TSPAN31: variants seen among roughly 807,000 people sequenced by gnomAD.
TSPAN31 encodes the protein tetraspanin-31.
In TSPAN31, 16 loss-of-function variants were observed where a neutral mutation model predicts 24.8. That is an observed-to-expected ratio of 0.64 (90% CI 0.44 to 0.98). The LOEUF is 0.98. TSPAN31 is among the 50% of genes least tolerant of loss of function. TSPAN31 has a pLI of 0.00. For synonymous variants in TSPAN31, 87 were observed against 91.4 expected (o/e 0.95, Z 0.27); for missense variants, 209 against 251.6 (o/e 0.83, Z 1.15).
rs2140383538 is a variant in TSPAN31 at position 57,749,398 on chromosome 12, T to G, written c.*2108T>G. On this transcript the variant is annotated 3_prime_UTR_variant, in exon 6 of 6. Transcript: ENST00000257910. ...GGCAGAGCCAGTTGCCATCCTGGGT[T>G]CAGCAGAAAGAGGACTCAGAATAGA... 6.2e-7 allele frequency: 1 copy of G among 1,613,068 alleles called. No individual in the cohort carries two copies. The highest frequency in any genetic ancestry group is 8.5e-7 in the Non-Finnish European group (1 of 1,179,006).
At position 57,749,322 on chromosome 12, in the gene TSPAN31, G is replaced by C. The variant is rs765361338; in HGVS notation, c.*2032G>C. ...TCTGGAGGCAGCCCAATCAGGCTGT[G>C]GGGGACAGGAGAACTCTGGTCAGGA... On this transcript the variant is annotated 3_prime_UTR_variant, in exon 6 of 6. Transcript: ENST00000257910. The C allele has an allele frequency of 1.9e-6, 3 of 1,614,176 alleles. No individual in the cohort carries two copies. The Admixed American group carries it at 5.0e-5, about 27-fold the overall frequency.
intron 5 of TSPAN31, 29 bp from the exon 6 acceptor site, chr12:57,747,187 T>A (rs769944152): frequency 6.2e-7 from 1 of 1,612,564 alleles, no homozygotes; most frequent in Non-Finnish European, 8.5e-7. Context: ...AATTAATTGA[T>A]ACTTATCTCT....
In TSPAN31 at chr12:57,748,235, AG is replaced by A. The variant is rs1291708445; in HGVS notation, c.*946del. Reference sequence around the variant, plus strand: ...GGAAGAAACATTAAAAAAAAAAAAAAGACCATTATTTCTTTGTTTTGTTTTT... The same window carrying A: ...GGAAGAAACATTAAAAAAAAAAAAAAACCATTATTTCTTTGTTTTGTTTTT... On this transcript the variant is annotated 3_prime_UTR_variant, in exon 6 of 6. Coordinates refer to ENST00000257910, the MANE Select transcript of TSPAN31 (RefSeq NM_005981.5). 1 of 376,292 alleles carries A rather than the reference AG, an allele frequency of 2.7e-6. No individual in the cohort carries two copies. The highest frequency in any genetic ancestry group is 3.2e-5 in the South Asian group (1 of 31,508). The allele number at this position is 376,292 out of a possible 1,614,324, so 23.3% of individuals were successfully genotyped here.
Position 57,747,486 on chromosome 12 carries a change from G to A in TSPAN31, c.*196G>A, listed in dbSNP as rs1003208178. ...GGAGCCAGACTATAAGGAATAAAAG[G>A]AAAAACTTTCTTCCTCTCTCTCCAA... On this transcript the variant is annotated 3_prime_UTR_variant, in exon 6 of 6. Transcript: ENST00000257910. 3.4e-5 allele frequency: 19 copies of A among 564,032 alleles called. No homozygotes were observed. The highest frequency in any genetic ancestry group is 6.3e-6 in the Non-Finnish European group (2 of 318,936). 34.9% of individuals were successfully genotyped at this position (564,032 alleles called of 1,614,324 possible). A position where few individuals can be genotyped will look rare whatever the true frequency, so the allele number is the denominator to read the frequency against.
rs1955197651 is a variant in TSPAN31, at chr12:57,749,115, T to C, written c.*1825T>C. On this transcript the variant is annotated 3_prime_UTR_variant, in exon 6 of 6. Coordinates refer to ENST00000257910, the MANE Select transcript of TSPAN31 (RefSeq NM_005981.5). ...TCATTAACCACAGTGGCCAGGGCCC[T>C]GCATACTGCTCTATTTCTTTCCCCA... The C allele has an allele frequency of 6.3e-7, 1 of 1,597,938 alleles. No homozygotes were observed.
In TSPAN31 at chr12:57,748,765, G is replaced by T. The variant is rs1955192187; in HGVS notation, c.*1475G>T. ...CTATCACCCAGGCTGGAGTGCAATGGTATGATCTCAGCTCACTGCAACCTC... is the reference window on the plus strand; with the variant it reads ...CTATCACCCAGGCTGGAGTGCAATGTTATGATCTCAGCTCACTGCAACCTC... On this transcript the variant is annotated 3_prime_UTR_variant, in exon 6 of 6. Transcript: ENST00000257910. 2 of 646,978 alleles carry T rather than the reference G, an allele frequency of 3.1e-6. No individual in the cohort carries two copies. The highest frequency in any genetic ancestry group is 4.9e-5 in the Admixed American group (2 of 41,130). 40.1% of individuals were successfully genotyped at this position (646,978 alleles called of 1,614,324 possible).
rs1292471378 is a variant in TSPAN31, at chr12:57,745,809, T to A, written c.128T>A (p.Ile43Asn). Reference protein sequence around the residue: ...WGKGLGLVSSIHIIGGVIAVG... With the variant: ...WGKGLGLVSSNHIIGGVIAVG... The stretch of plus-strand genomic sequence containing the variant: ...AAGGGCCTGGGTCTGGTGTCCAGCA[T>A]CCACATCATCGGCGGAGTCATTGCT... Residue 43 changes from isoleucine to asparagine, a missense_variant, in exon 2 of 6, where the codon ATC (isoleucine) becomes AAC (asparagine). By Grantham distance (149) the Ile-to-Asn change is moderately radical (BLOSUM62 -3). Transcript: ENST00000257910. 2.5e-6 allele frequency: 4 copies of A among 1,614,066 alleles called. No individual in the cohort carries two copies. In the South Asian group the frequency reaches 4.4e-5, roughly 18 times the overall value.
chr12:57,747,512 GA>G lies in TSPAN31; in HGVS notation c.*223del, dbSNP rs1955171752. The G allele has an allele frequency of 2.2e-5, 11 of 499,376 alleles. No individual in the cohort carries two copies. In the South Asian group the frequency reaches 2.7e-4, roughly 12 times the overall value. The allele number at this position is 499,376 out of a possible 1,614,324, so 30.9% of individuals were successfully genotyped here. The stretch of plus-strand genomic sequence containing the variant: ...AAAAACTTTCTTCCTCTCTCTCCAA[GA>G]GGATATGGGAAGCTTCTGTGAGTGC... On this transcript the variant is annotated 3_prime_UTR_variant, in exon 6 of 6. Coordinates refer to ENST00000257910, the MANE Select transcript of TSPAN31 (RefSeq NM_005981.5).
Position 57,747,364 on chromosome 12 carries a change from C to G in TSPAN31, c.*74C>G. ...TCCTCCCTTAGGGAATATCTAGGGT[C>G]TGTAACCGTTTTGGTTTGAGAAAAA... On this transcript the variant is annotated 3_prime_UTR_variant, in exon 6 of 6. Coordinates refer to ENST00000257910, the MANE Select transcript of TSPAN31 (RefSeq NM_005981.5). The G allele has an allele frequency of 3.6e-6, 5 of 1,405,146 alleles. No individual in the cohort carries two copies. In the South Asian group the frequency reaches 6.2e-5, roughly 17 times the overall value. The allele number at this position is 1,405,146 out of a possible 1,614,324, so 87.0% of individuals were successfully genotyped here.
Position 57,745,110 on chromosome 12 carries a change from TC to T in TSPAN31, c.-39del. ...TCCTGGAAGACGGTCCCCAATACCC[TC>T]CCCCCAAGTCCTTGGGACCACTTGG... On this transcript the variant is annotated 5_prime_UTR_variant, in exon 1 of 6. Transcript: ENST00000257910. The T allele has an allele frequency of 1.3e-6, 2 of 1,548,412 alleles. No homozygotes were observed. The highest frequency in any genetic ancestry group is 1.2e-5 in the South Asian group (1 of 85,134).
rs1955185698 is a variant in TSPAN31, at chr12:57,748,501, C to T, written c.*1211C>T. On this transcript the variant is annotated 3_prime_UTR_variant, in exon 6 of 6. Coordinates refer to ENST00000257910, the MANE Select transcript of TSPAN31 (RefSeq NM_005981.5). ...AGAAGGGAAATGGCAGCTTTTCTTCCTTCCATGGCAGCCACTCCATTGCTC... is the reference window on the plus strand; with the variant it reads ...AGAAGGGAAATGGCAGCTTTTCTTCTTTCCATGGCAGCCACTCCATTGCTC... The T allele has an allele frequency of 1.9e-6, 3 of 1,557,344 alleles. No homozygotes were observed. Among genetic ancestry groups the T allele is most frequent in the Non-Finnish European group, 2.7e-6 (3 of 1,128,642 alleles).
rs1302631769 is a variant in TSPAN31, at chr12:57,746,734, G to A, written c.444+14G>A. The A allele has an allele frequency of 6.2e-7, 1 of 1,613,964 alleles. No individual in the cohort carries two copies. Among genetic ancestry groups the A allele is most frequent in the Admixed American group, 1.7e-5 (1 of 60,012 alleles). The stretch of plus-strand genomic sequence containing the variant: ...TTCTGCACTGCAGTGAGTGTGTTGG[G>A]GGTGGTGCAGCAGCCAGGGGAGGTA... On this transcript the variant is annotated intron_variant, in intron 4 of 5. Transcript: ENST00000257910.
rs1955210744 is a variant in TSPAN31 at position 57,749,780 on chromosome 12, T to C, written c.*2490T>C. The C allele has an allele frequency of 2.0e-6, 1 of 505,500 alleles. No individual in the cohort carries two copies. The highest frequency in any genetic ancestry group is 3.3e-5 in the Admixed American group (1 of 30,700). 31.3% of individuals were successfully genotyped at this position (505,500 alleles called of 1,614,324 possible). On this transcript the variant is annotated 3_prime_UTR_variant, in exon 6 of 6. Transcript: ENST00000257910. ...TTGGGAGTCTGATGTGGGTGGATCA[T>C]GAGGTCAAGAGATCGAGACCATCCT...
chr12:57,745,072 G>A lies in TSPAN31; in HGVS notation c.-83G>A. 1 of 1,332,900 alleles carries A rather than the reference G, an allele frequency of 7.5e-7. No individual in the cohort carries two copies. The highest frequency in any genetic ancestry group is 1.1e-6 in the Non-Finnish European group (1 of 948,600). The allele number at this position is 1,332,900 out of a possible 1,614,324, so 82.6% of individuals were successfully genotyped here. Reference sequence around the variant, plus strand: ...TGGCTGGCCTCGATTTAAAGAGACAGAAGCTGTCGGGGTCCTGGAAGACGG... The same window carrying A: ...TGGCTGGCCTCGATTTAAAGAGACAAAAGCTGTCGGGGTCCTGGAAGACGG... On this transcript the variant is annotated 5_prime_UTR_variant, in exon 1 of 6. Transcript: ENST00000257910.
Position 57,747,487 on chromosome 12 carries a change from A to G in TSPAN31, c.*197A>G. On this transcript the variant is annotated 3_prime_UTR_variant, in exon 6 of 6. Transcript: ENST00000257910. Reference sequence around the variant, plus strand: ...GAGCCAGACTATAAGGAATAAAAGGAAAAACTTTCTTCCTCTCTCTCCAAG... The same window carrying G: ...GAGCCAGACTATAAGGAATAAAAGGGAAAACTTTCTTCCTCTCTCTCCAAG... 1 of 562,734 alleles carries G rather than the reference A, an allele frequency of 1.8e-6. No homozygotes were observed. The highest frequency in any genetic ancestry group is 3.1e-6 in the Non-Finnish European group (1 of 317,808). 34.9% of individuals were successfully genotyped at this position (562,734 alleles called of 1,614,324 possible). A position where few individuals can be genotyped will look rare whatever the true frequency, so the allele number is the denominator to read the frequency against.
At chr12:57,745,947 G>T in intron 2 of TSPAN31, 35 bp downstream of exon 2, 1 of 1,561,154 alleles carries the variant, frequency 6.4e-7, no homozygotes, top group Non-Finnish European at 8.6e-7. Flanking sequence ...GCAACCGGGG[G>T]CTTGGGAGGG....
In TSPAN31 at chr12:57,749,772, G is replaced by A. The variant is rs937997826; in HGVS notation, c.*2482G>A. 3.9e-6 allele frequency: 2 copies of A among 518,574 alleles called. No homozygotes were observed. Among genetic ancestry groups the A allele is most frequent in the Non-Finnish European group, 6.9e-6 (2 of 287,800 alleles). The allele number at this position is 518,574 out of a possible 1,614,324, so 32.1% of individuals were successfully genotyped here. ...CTAGCACTTTGGGAGTCTGATGTGGGTGGATCATGAGGTCAAGAGATCGAG... is the reference window on the plus strand; with the variant it reads ...CTAGCACTTTGGGAGTCTGATGTGGATGGATCATGAGGTCAAGAGATCGAG... On this transcript the variant is annotated 3_prime_UTR_variant, in exon 6 of 6. Transcript: ENST00000257910.
chr12:57,746,262 A>C lies in TSPAN31; in HGVS notation c.312+6A>C. ...CTATTAACCGAAGCAAACAGGTAAG[A>C]CAGTACCCTTTCAAGTACTTACTTG... On this transcript the variant is annotated splice_donor_region_variant and intron_variant, in intron 3 of 5. Transcript: ENST00000257910. 6.2e-7 allele frequency: 1 copy of C among 1,612,452 alleles called. No homozygotes were observed. Among genetic ancestry groups the C allele is most frequent in the South Asian group, 1.1e-5 (1 of 91,030 alleles).
Position 57,749,531 on chromosome 12 carries a change from C to G in TSPAN31, c.*2241C>G, listed in dbSNP as rs2140384086. On this transcript the variant is annotated 3_prime_UTR_variant, in exon 6 of 6. Coordinates refer to ENST00000257910, the MANE Select transcript of TSPAN31 (RefSeq NM_005981.5). Reference sequence around the variant, plus strand: ...TAAGGTGAGAAGGGATATAAGGTAGCAGTCATTTTCAAAGATATCTTAGTT... The same window carrying G: ...TAAGGTGAGAAGGGATATAAGGTAGGAGTCATTTTCAAAGATATCTTAGTT... 1 of 1,609,820 alleles carries G rather than the reference C, an allele frequency of 6.2e-7. No homozygotes were observed.
Sources: allele counts gnomAD v4.1 joint callset, GRCh38; gene constraint gnomAD v4.1.1; transcripts MANE v1.5; gene names NCBI Gene and HGNC (gene_info 2026-07-23, HGNC 2026-07-21).